OSBPL11: variants seen among roughly 807,000 people sequenced by gnomAD.
OSBPL11 encodes the protein oxysterol-binding protein-related protein 11.
In OSBPL11, 33 loss-of-function variants were observed where a neutral mutation model predicts 84.4. That is an observed-to-expected ratio of 0.39 (90% CI 0.30 to 0.52). The LOEUF (loss-of-function observed/expected upper bound fraction) is 0.52. OSBPL11 is among the 20% of genes least tolerant of loss of function. The pLI is 0.72. For missense variants in OSBPL11, 736 were observed against 901.1 expected (o/e 0.82, Z 2.35); for synonymous variants, 276 against 310.2 (o/e 0.89, Z 1.16).
intron 10 of OSBPL11, among the ~76,000 whole-genome samples, chr3:125,542,196 A>G (rs936144910): frequency 6.6e-6 from 1 of 152,262 alleles, no homozygotes; most frequent in Non-Finnish European, 1.5e-5. Context: ...AACAGAAGAT[A>G]CAAAGGCAGA....
At position 125,529,745 on chromosome 3, in the gene OSBPL11, G is replaced by C. The variant is rs779115529; in HGVS notation, c.*770C>G. On this transcript the variant is annotated 3_prime_UTR_variant, in exon 13 of 13. Transcript: ENST00000296220. ...TGACATTAACACATTTTTAAAAAGT[G>C]TCTCTCAAGTGTAATATTTAATAAA... 6.6e-6 allele frequency: 1 copy of C among 152,542 alleles called. No homozygotes were observed. The highest frequency in any genetic ancestry group is 1.5e-5 in the Non-Finnish European group (1 of 68,022). The allele number at this position is 152,542 out of a possible 1,614,324, so 9.4% of individuals were successfully genotyped here.
chr3:125,582,998 C>T lies in OSBPL11; in HGVS notation c.165-20G>A. Reference sequence around the variant, plus strand: ...TGATCACTATTTCAAAATGAAAAAGCCAAAGTTAGTAAAAATTAGAAGAAA... The same window carrying T: ...TGATCACTATTTCAAAATGAAAAAGTCAAAGTTAGTAAAAATTAGAAGAAA... On this transcript the variant is annotated intron_variant, in intron 1 of 12. Transcript: ENST00000296220. 2 of 1,541,894 alleles carry T rather than the reference C, an allele frequency of 1.3e-6. No individual in the cohort carries two copies. The highest frequency in any genetic ancestry group is 1.8e-6 in the Non-Finnish European group (2 of 1,142,228).
chr3:125,541,467 A>T (rs1309183578), intron 10 of OSBPL11, among the ~76,000 whole-genome samples: 1 of 152,236 alleles, frequency 6.6e-6, no homozygotes, highest in Non-Finnish European at 1.5e-5. Flanking sequence ...TGAACATTTA[A>T]AATATGCTGG....
chr3:125,593,205 A>C (rs878866628), intron 1 of OSBPL11, among the ~76,000 whole-genome samples: 2 of 151,970 alleles, frequency 1.3e-5, no homozygotes, highest in Non-Finnish European at 2.9e-5. Flanking sequence ...CGGACAGGGG[A>C]CCCGCGGCCC....
intron 5 of OSBPL11, among the ~76,000 whole-genome samples, chr3:125,570,978 G>A (rs1219776050): frequency 6.6e-6 from 1 of 152,196 alleles, no homozygotes; most frequent in Admixed American, 6.5e-5. Context: ...ACAGTTTGGA[G>A]GTCTCAGAAG....
chr3:125,593,060 A>G (rs1457053441), intron 1 of OSBPL11, among the ~76,000 whole-genome samples: 1 of 152,226 alleles, frequency 6.6e-6, no homozygotes, highest in Admixed American at 6.5e-5. Flanking sequence ...AGAAAGTTGT[A>G]AACCAAAAAT....
rs184874960 is a variant in OSBPL11, at chr3:125,565,725, G to A, written c.868+1669C>T. Among the ~76,000 whole-genome samples the A allele has an allele frequency of 8.8e-4, 134 of 152,090 alleles. 1 individual carries two copies. The highest frequency in any genetic ancestry group is 2.9e-3 in the African/African-American group (121 of 41,484). On this transcript the variant is annotated intron_variant, in intron 6 of 12. Coordinates refer to ENST00000296220, the MANE Select transcript of OSBPL11 (RefSeq NM_022776.5). ...TTTGTAAGAAGAGAAAATTTATATTGAACTACTTACAATTCCTACAAGTCA... is the reference window on the plus strand; with the variant it reads ...TTTGTAAGAAGAGAAAATTTATATTAAACTACTTACAATTCCTACAAGTCA...
At position 125,582,892 on chromosome 3, in the gene OSBPL11, A is replaced by G. The variant is rs1440171198; in HGVS notation, c.233+18T>C. On this transcript the variant is annotated intron_variant, in intron 2 of 12. Transcript: ENST00000296220. ...CTCTCTTAGGAGAGACTGATGTGAC[A>G]CAAATAATCACACTTACCTGTACTG... The G allele has an allele frequency of 1.9e-6, 3 of 1,556,740 alleles. No homozygotes were observed. In the African/African-American group the frequency reaches 4.1e-5, roughly 22 times the overall value.
chr3:125,536,266 C>T (rs7644750), intron 11 of OSBPL11, among the ~76,000 whole-genome samples: 37,478 of 152,010 alleles, frequency 0.25, 6,083 homozygotes, highest in African/African-American at 0.47. Context: ...TTAAAAAGGC[C>T]AGTTGCAATG....
At chr3:125,532,611 A>C (rs1314231336) in intron 11 of OSBPL11, among the ~76,000 whole-genome samples, 1 of 151,966 alleles carries the variant, frequency 6.6e-6, no homozygotes, top group African/African-American at 2.4e-5. Flanking sequence ...AACTGCCACA[A>C]CACTTCTTTA....
At chr3:125,567,749 T>C (rs1936181526) in intron 5 of OSBPL11, among the ~76,000 whole-genome samples, 154 bp from the exon 6 acceptor site, 2 of 152,090 alleles carry the variant, frequency 1.3e-5, no homozygotes, top group Admixed American at 1.3e-4. Flanking sequence ...TCCCGGCATT[T>C]TGGGAGGCTG....
At chr3:125,583,106 T>A in intron 1 of OSBPL11, 128 bp from the exon 2 acceptor site, 3 of 600,034 alleles carry the variant, frequency 5.0e-6, no homozygotes, top group Non-Finnish European at 8.6e-6. Context: ...TATTGAGAAG[T>A]AAAATGTATA....
chr3:125,574,231 T>C (rs1441200577), intron 5 of OSBPL11, among the ~76,000 whole-genome samples: 2 of 150,092 alleles, frequency 1.3e-5, no homozygotes, highest in African/African-American at 4.9e-5. Flanking sequence ...CCAAACCCAC[T>C]AGTGGTCACT....
chr3:125,538,002 T>C lies in OSBPL11; in HGVS notation c.2024+449A>G, dbSNP rs144480401. 5.9e-3 allele frequency among the ~76,000 whole-genome samples: 902 copies of C among 152,316 alleles called. 13 individuals are homozygous for C. Among genetic ancestry groups the C allele is most frequent in the African/African-American group, 0.02 (849 of 41,570 alleles). On this transcript the variant is annotated intron_variant, in intron 11 of 12. Coordinates refer to ENST00000296220, the MANE Select transcript of OSBPL11 (RefSeq NM_022776.5). ...AAGAAGTATTATTTTAAAAACTAATTTGTCTGATTAATTTGTACCTCTGAA... is the reference window on the plus strand; with the variant it reads ...AAGAAGTATTATTTTAAAAACTAATCTGTCTGATTAATTTGTACCTCTGAA...
At chr3:125,531,787 T>C in intron 12 of OSBPL11, 74 bp downstream of exon 12, 1 of 1,395,384 alleles carries the variant, frequency 7.2e-7, no homozygotes, top group Non-Finnish European at 9.7e-7. Context: ...GTGATAGCAA[T>C]TCAACAAAGC....
intron 5 of OSBPL11, among the ~76,000 whole-genome samples, chr3:125,575,183 T>C (rs953821888): frequency 3.3e-5 from 5 of 151,924 alleles, no homozygotes; most frequent in East Asian, 4.0e-4. Context: ...ATATATTCTA[T>C]ATGTTCTATA....
In OSBPL11 at chr3:125,595,289, G is replaced by C. The variant is rs185941819; in HGVS notation, c.-489C>G. On this transcript the variant is annotated 5_prime_UTR_variant, in exon 1 of 13. In the 5' UTR this introduces an upstream ATG that the reference lacks. Transcript: ENST00000296220. ...CGGCAGTTCCCGCCGCAGCCCCCGA[G>C]ATACAGCCAGGGCCGGCGCGCGCAG... Among the ~76,000 whole-genome samples, 830 of 152,242 alleles carry C rather than the reference G, an allele frequency of 5.5e-3. 9 individuals are homozygous for C. The highest frequency in any genetic ancestry group is 5.3e-3 in the Non-Finnish European group (358 of 67,992).
intron 4 of OSBPL11, 69 bp from the exon 5 acceptor site, chr3:125,576,434 CA>C (rs1936324992): frequency 8.0e-7 from 1 of 1,255,350 alleles, no homozygotes; most frequent in South Asian, 1.7e-5. Context: ...ATCAAACTAC[CA>C]TACACTTAAG....
chr3:125,565,614 CAGT>C (rs1461172084), intron 6 of OSBPL11, among the ~76,000 whole-genome samples: 34 of 152,210 alleles, frequency 2.2e-4, no homozygotes, highest in Admixed American at 2.2e-3. Context: ...AATATATCAA[CAGT>C]GGTGGTTTCT....
Sources: gnomAD v4.1 joint callset for allele counts (sites outside exome capture counted in the v4.1 genomes callset) on GRCh38, gnomAD v4.1.1 for gene constraint, MANE v1.5 for transcripts, NCBI Gene and HGNC (gene_info 2026-07-23, HGNC 2026-07-21) for gene names.